Variants in IL12RB2 observed in about 807,000 individuals in gnomAD.
The protein encoded by IL12RB2 is interleukin 12 receptor subunit beta 2, also known as interleukin-12 receptor subunit beta-2.
A neutral mutation model predicts 89.4 loss-of-function variants in IL12RB2; 82 were observed. The observed-to-expected ratio is 0.92, with a 90% confidence interval of 0.77 to 1.10. IL12RB2 has a LOEUF of 1.10. Among genes scored for constraint, IL12RB2 ranks in the 50% least tolerant of loss-of-function variants. The pLI, the probability that IL12RB2 is intolerant of heterozygous loss-of-function variation, is 0.00. For synonymous variants in IL12RB2, 368 were observed against 370.1 expected, an observed-to-expected ratio of 0.99 and a Z score of 0.07; for missense variants, 963 against 1,031.9, an observed-to-expected ratio of 0.93 and a Z score of 0.92.
chr1:67,329,646 T>C lies in IL12RB2; in HGVS notation c.724T>C (p.Cys242Arg). 1.3e-6 allele frequency: 2 copies of C among 1,569,756 alleles called. No homozygotes were observed. Among genetic ancestry groups the C allele is most frequent in the Non-Finnish European group, 1.8e-6 (2 of 1,139,392 alleles). The change falls in exon 7 of 17, where the codon TGT becomes CGT. Residue 242 changes from cysteine (C) to arginine (R), a missense_variant. By Grantham distance (180) the Cys-to-Arg change is radical. Transcript: ENST00000674203. Reference protein sequence around the residue: ...IKFQKASVSRCTLYWRDEGLV... With the variant: ...IKFQKASVSRRTLYWRDEGLV... ...ATTTCAAAAGGCTTCTGTGAGCAGATGTACCCTTTATTGGAGAGATGAGGG... is the reference window on the plus strand; with the variant it reads ...ATTTCAAAAGGCTTCTGTGAGCAGACGTACCCTTTATTGGAGAGATGAGGG...
chr1:67,309,122 T>C (rs1654690367), intron 1 of IL12RB2, among the ~76,000 whole-genome samples: 1 of 152,126 alleles, frequency 6.6e-6, no homozygotes, highest in Admixed American at 6.6e-5. Flanking sequence ...TTTTTCCCCA[T>C]TTTTAAAACT....
At position 67,398,058 on chromosome 1, in the gene IL12RB2, G is replaced by T. The variant is rs1028066795; in HGVS notation, c.*1969G>T. Among the ~76,000 whole-genome samples, 2 of 152,112 alleles carry T rather than the reference G, an allele frequency of 1.3e-5. No homozygotes were observed. The highest frequency in any genetic ancestry group is 2.4e-5 in the African/African-American group (1 of 41,408). On this transcript the variant is annotated 3_prime_UTR_variant, in exon 17 of 17. Transcript: ENST00000674203. ...TGAAATTCCAAACTTAACACCTATA[G>T]TTCTCTCAGGCTTTTTTTGAAAAGT... is the stretch of plus-strand genomic sequence containing the variant.
At chr1:67,320,751 T>TA (rs1158840195) in intron 3 of IL12RB2, among the ~76,000 whole-genome samples, 4 of 152,222 alleles carry the variant, frequency 2.6e-5, no homozygotes, top group Non-Finnish European at 5.9e-5. Flanking sequence ...TTCTTTTTTT[T>TA]ATTATACTTT....
chr1:67,341,553 A>AAAAAGAAAG (rs1558318148), intron 9 of IL12RB2, among the ~76,000 whole-genome samples: 1 of 125,390 alleles, frequency 8.0e-6, no homozygotes, highest in Non-Finnish European at 1.7e-5. Flanking sequence ...GAAAGAAAGA[A>AAAAAGAAAG]AGAAAGAAAG....
chr1:67,320,409 T>C lies in IL12RB2; in HGVS notation c.41T>C (p.Phe14Ser). 6.2e-7 allele frequency: 1 copy of C among 1,614,010 alleles called. No homozygotes were observed. Among genetic ancestry groups the C allele is most frequent in the Non-Finnish European group, 8.5e-7 (1 of 1,179,934 alleles). The change falls in exon 3 of 17, where the codon TTT becomes TCT. Residue 14 changes from phenylalanine to serine, a missense_variant. Phe to Ser is a radical substitution (Grantham distance 155). Coordinates refer to ENST00000674203, the MANE Select transcript of IL12RB2 (RefSeq NM_001374259.2). ...AGAGGATGCTCATTGGCATTTATGT[T>C]TATAATCACGTGGCTGTTGATTAAA... ...TFRGCSLAFMFIITWLLIKAK... is the reference protein window; with the variant it reads ...TFRGCSLAFMSIITWLLIKAK...
chr1:67,332,218 ATT>A (rs34139483), intron 8 of IL12RB2, among the ~76,000 whole-genome samples: 119,181 of 135,598 alleles, frequency 0.88, 52,715 homozygotes, highest in Non-Finnish European at 0.96. Context: ...TATTAATTGC[ATT>A]TTTTTTTTTT....
chr1:67,316,212 C>T (rs936284508), intron 2 of IL12RB2, among the ~76,000 whole-genome samples: 7 of 151,832 alleles, frequency 4.6e-5, no homozygotes, highest in African/African-American at 9.6e-5. Flanking sequence ...AATTATGGTA[C>T]GTGCTAAGAT....
intron 11 of IL12RB2, 104 bp downstream of exon 11, chr1:67,368,129 C>T (rs1662911703): frequency 2.6e-6 from 2 of 761,210 alleles, no homozygotes; most frequent in African/African-American, 1.7e-5. Context: ...CAGGTGGCTA[C>T]ATGATGAGAG....
intron 4 of IL12RB2, among the ~76,000 whole-genome samples, chr1:67,324,291 C>T (rs1400272579): frequency 6.6e-6 from 1 of 152,300 alleles, no homozygotes; most frequent in Middle Eastern, 3.4e-3. Context: ...GGCGCAATCT[C>T]GTCTCACTTC....
intron 15 of IL12RB2, among the ~76,000 whole-genome samples, chr1:67,388,654 T>G (rs1665487555): frequency 6.6e-6 from 1 of 152,202 alleles, no homozygotes. Context: ...TAAACCACAA[T>G]ATTAATGGTG....
At chr1:67,310,401 T>C (rs540622120) in intron 1 of IL12RB2, among the ~76,000 whole-genome samples, 142 of 152,262 alleles carry the variant, frequency 9.3e-4, no homozygotes, top group African/African-American at 3.3e-3. Context: ...GTTCATGACC[T>C]ACGAAGTCAA....
rs535248847 is a variant in IL12RB2 at position 67,327,565 on chromosome 1, C to T, written c.480-635C>T. On this transcript the variant is annotated intron_variant, in intron 5 of 16. Coordinates refer to ENST00000674203, the MANE Select transcript of IL12RB2 (RefSeq NM_001374259.2). ...CTCTTCCTTGTGGTAGTTTCCCATT[C>T]GCTTGGATAAGTTTCTTTTTAAAGC... 1.3e-4 allele frequency among the ~76,000 whole-genome samples: 20 copies of T among 152,192 alleles called. No homozygotes were observed. The South Asian group carries it at 3.5e-3, about 27-fold the overall frequency.
chr1:67,367,462 G>GGGAACGAA, intron 10 of IL12RB2, among the ~76,000 whole-genome samples: 1 of 127,412 alleles, frequency 7.8e-6, no homozygotes, highest in African/African-American at 3.0e-5. Context: ...AAAGGAACGA[G>GGGAACGAA]GGAAGGAAGG....
chr1:67,361,142 A>C (rs1221290659), intron 10 of IL12RB2, among the ~76,000 whole-genome samples: 1 of 152,204 alleles, frequency 6.6e-6, no homozygotes, highest in Non-Finnish European at 1.5e-5. Flanking sequence ...GGGTTATAGA[A>C]TGCTTTCTTT....
intron 10 of IL12RB2, among the ~76,000 whole-genome samples, chr1:67,366,323 C>T (rs531857573): frequency 1.1e-4 from 17 of 151,806 alleles, no homozygotes; most frequent in East Asian, 7.8e-4. Context: ...TGGTGGCAGA[C>T]GCCTGTAGTC....
intron 8 of IL12RB2, among the ~76,000 whole-genome samples, chr1:67,331,362 A>G (rs1658049700): frequency 6.6e-6 from 1 of 152,204 alleles, no homozygotes; most frequent in Non-Finnish European, 1.5e-5. Context: ...ACCCATAACT[A>G]TGAAAAGGAT....
intron 10 of IL12RB2, among the ~76,000 whole-genome samples, chr1:67,365,151 G>A (rs957744733): frequency 6.6e-6 from 1 of 152,074 alleles, no homozygotes; most frequent in Non-Finnish European, 1.5e-5. Context: ...CAAAATCAGT[G>A]CTTAGAGGAA....
intron 16 of IL12RB2, among the ~76,000 whole-genome samples, chr1:67,390,333 T>C (rs1665669731): frequency 6.6e-6 from 1 of 152,144 alleles, no homozygotes; most frequent in African/African-American, 2.4e-5. Context: ...CTGAAGTTTA[T>C]GATCATAAGA....
intron 2 of IL12RB2, among the ~76,000 whole-genome samples, chr1:67,315,257 ATTTCATATATATCCATTTT>A (rs1408049680): frequency 6.6e-6 from 1 of 152,046 alleles, no homozygotes; most frequent in Non-Finnish European, 1.5e-5. Context: ...ATGAAAACAT[ATTTCATATATATCCATTTT>A]TTTAAATCCT....
Sources: allele counts gnomAD v4.1 joint callset (sites outside exome capture counted in the v4.1 genomes callset), GRCh38; gene constraint gnomAD v4.1.1; transcripts MANE v1.5; gene names NCBI Gene and HGNC (gene_info 2026-07-23, HGNC 2026-07-21).